The following ST6GAL1 variants were observed in gnomAD, a reference collection of about 807,000 sequenced individuals.
ST6GAL1 encodes ST6 beta-galactoside alpha-2,6-sialyltransferase 1.
ST6GAL1 carries 20 observed loss-of-function variants against 38.0 expected under a neutral mutation model. The ratio of observed to expected loss-of-function variants is 0.53; its 90% CI spans 0.37 to 0.77. The LOEUF is 0.77. ST6GAL1 is among the 30% of genes least tolerant of loss of function. The pLI is 0.00. For missense variants in ST6GAL1, 432 were observed against 496.4 expected (o/e 0.87, Z 1.23); for synonymous variants, 196 against 188.2 (o/e 1.04, Z -0.34).
At chr3:186,993,556 T>TTTTTTTTA (rs781058262) in intron 2 of ST6GAL1, among the ~76,000 whole-genome samples, 12 of 88,250 alleles carry the variant, frequency 1.4e-4, no homozygotes, top group South Asian at 4.8e-4. Context: ...CTTGACAGAG[T>TTTTTTTTA]TTTATTTATT....
intron 5 of ST6GAL1, among the ~76,000 whole-genome samples, chr3:187,061,055 T>G (rs1480492549): frequency 6.6e-6 from 1 of 152,144 alleles, no homozygotes; most frequent in Non-Finnish European, 1.5e-5. Flanking sequence ...AAATATTCAT[T>G]TTTTCTATTA....
intron 2 of ST6GAL1, among the ~76,000 whole-genome samples, chr3:186,976,191 G>C (rs966145645): frequency 6.6e-6 from 1 of 152,190 alleles, no homozygotes; most frequent in African/African-American, 2.4e-5. Flanking sequence ...GACCTTGTGG[G>C]TCTTTCCTTT....
chr3:186,947,588 TA>T (rs200150383), intron 1 of ST6GAL1, among the ~76,000 whole-genome samples: 1,752 of 152,316 alleles, frequency 0.012, 17 homozygotes, highest in Non-Finnish European at 0.016. Context: ...CATTTACCTA[TA>T]AAATAAAACA....
chr3:187,001,486 T>G (rs1384306894), intron 2 of ST6GAL1, among the ~76,000 whole-genome samples: 5 of 152,232 alleles, frequency 3.3e-5, no homozygotes, highest in Admixed American at 3.3e-4. Context: ...GGTTTGGATC[T>G]CACTTCCATT....
intron 2 of ST6GAL1, among the ~76,000 whole-genome samples, chr3:187,031,972 C>G (rs1455853073): frequency 6.6e-6 from 1 of 152,160 alleles, no homozygotes; most frequent in Non-Finnish European, 1.5e-5. Flanking sequence ...ATAGCTAGTG[C>G]TAAATAAATG....
At chr3:187,068,832 C>A (rs1201797701) in intron 5 of ST6GAL1, among the ~76,000 whole-genome samples, 1 of 152,184 alleles carries the variant, frequency 6.6e-6, no homozygotes, top group Non-Finnish European at 1.5e-5. Context: ...AAAGAAAAGA[C>A]ACTTTGCTTT....
At chr3:186,961,636 G>T (rs1714939380) in intron 1 of ST6GAL1, among the ~76,000 whole-genome samples, 1 of 152,190 alleles carries the variant, frequency 6.6e-6, no homozygotes, top group Admixed American at 6.5e-5. Context: ...GGAGTGTAGG[G>T]TGCATGAGAG....
At chr3:187,048,293 A>G (rs1718377764) in intron 4 of ST6GAL1, among the ~76,000 whole-genome samples, 1 of 151,942 alleles carries the variant, frequency 6.6e-6, no homozygotes, top group Non-Finnish European at 1.5e-5. Context: ...CTGGGCCCCC[A>G]TGTCCGTGTA....
chr3:187,047,450 T>C (rs1034040940), intron 4 of ST6GAL1, among the ~76,000 whole-genome samples: 27 of 152,162 alleles, frequency 1.8e-4, no homozygotes, highest in African/African-American at 4.8e-4. Context: ...AGGCAGTGGA[T>C]TTTGATGTAT....
At chr3:186,939,730 T>C (rs1714095144) in intron 1 of ST6GAL1, among the ~76,000 whole-genome samples, 1 of 152,158 alleles carries the variant, frequency 6.6e-6, no homozygotes, top group South Asian at 2.1e-4. Flanking sequence ...TCAGGGAGCG[T>C]TGCTGCCGGT....
chr3:187,074,105 G>A (rs1719480767), intron 6 of ST6GAL1, 54 bp from the exon 7 acceptor site: 19 of 1,503,946 alleles, frequency 1.3e-5, no homozygotes, highest in Non-Finnish European at 1.7e-5. Flanking sequence ...CTCCTGGGGG[G>A]AGCAGCTCAC....
intron 2 of ST6GAL1, among the ~76,000 whole-genome samples, chr3:186,984,805 A>G (rs56336930): frequency 1.1e-4 from 5 of 45,836 alleles, no homozygotes; most frequent in Non-Finnish European, 1.7e-4. Context: ...CCTTCCTTCC[A>G]TCCTTCCTTC....
At chr3:186,977,575 T>A (rs1378507001) in intron 2 of ST6GAL1, among the ~76,000 whole-genome samples, 1 of 152,048 alleles carries the variant, frequency 6.6e-6, no homozygotes, top group Non-Finnish European at 1.5e-5. Flanking sequence ...GGAAATATGA[T>A]CCTACAGAAA....
At chr3:187,070,473 G>A (rs1217893355) in intron 5 of ST6GAL1, among the ~76,000 whole-genome samples, 2 of 146,174 alleles carry the variant, frequency 1.4e-5, no homozygotes, top group Non-Finnish European at 3.0e-5. Context: ...TTGCCAGGCT[G>A]GAGTGCAGTG....
intron 2 of ST6GAL1, among the ~76,000 whole-genome samples, chr3:187,020,319 CA>C (rs1717254677): frequency 6.6e-6 from 1 of 150,544 alleles, no homozygotes; most frequent in Non-Finnish European, 1.5e-5. Context: ...AAACAAAAAA[CA>C]AAACACACCG....
intron 4 of ST6GAL1, among the ~76,000 whole-genome samples, chr3:187,049,183 G>A (rs953540586): frequency 1.3e-5 from 2 of 152,124 alleles, no homozygotes; most frequent in Admixed American, 6.5e-5. Context: ...GAGCTACTGC[G>A]CCCAGCTGAG....
At chr3:186,973,467 C>T (rs1715417608) in intron 2 of ST6GAL1, among the ~76,000 whole-genome samples, 1 of 152,204 alleles carries the variant, frequency 6.6e-6, no homozygotes, top group Non-Finnish European at 1.5e-5. Flanking sequence ...CTCAGATTTT[C>T]AACCCCCTGC....
intron 4 of ST6GAL1, among the ~76,000 whole-genome samples, 153 bp downstream of exon 4, chr3:187,043,463 G>A (rs1416232920): frequency 6.6e-6 from 1 of 152,172 alleles, no homozygotes; most frequent in Non-Finnish European, 1.5e-5. Flanking sequence ...GTGACACAGA[G>A]GGAGTTGAAC....
chr3:187,071,882 G>T (rs1719392822), intron 5 of ST6GAL1: 1 of 151,820 alleles, frequency 6.6e-6, no homozygotes, highest in Non-Finnish European at 1.5e-5. Flanking sequence ...GTTGATCCTG[G>T]ATCCTTTTGT....
Sources: gnomAD v4.1 joint callset for allele counts (sites outside exome capture counted in the v4.1 genomes callset) on GRCh38, gnomAD v4.1.1 for gene constraint, MANE v1.5 for transcripts, NCBI Gene and HGNC (gene_info 2026-07-23, HGNC 2026-07-21) for gene names.